GPM6B: variants seen among roughly 807,000 people sequenced by gnomAD.
The protein encoded by GPM6B is neuronal membrane glycoprotein M6-b.
Under a neutral mutation model 27.2 loss-of-function variants are expected in GPM6B, and 4 were observed. The ratio of observed to expected loss-of-function variants is 0.15; its 90% CI spans 0.07 to 0.34. GPM6B has a LOEUF of 0.34. GPM6B is among the 10% of genes least tolerant of loss of function. The pLI, the probability that GPM6B is intolerant of heterozygous loss-of-function variation, is 1.00. For synonymous variants in GPM6B, 124 were observed against 103.1 expected (o/e 1.20, Z -1.23); for missense variants, 183 against 261.9 (o/e 0.70, Z 2.08).
chrX:13,822,469 G>A (rs916182227), intron 1 of GPM6B, among the ~76,000 whole-genome samples: 8 of 110,370 alleles, frequency 7.2e-5, no homozygotes, highest in South Asian at 7.9e-4. Context: ...AGGTTCAAGC[G>A]ATTCTCCTGC....
chrX:13,861,505 T>G (rs929963088), intron 1 of GPM6B, among the ~76,000 whole-genome samples: 2 of 112,008 alleles, frequency 1.8e-5, no homozygotes, highest in African/African-American at 6.5e-5. Context: ...ATTTTCTATG[T>G]TCAAAATAAT....
intron 1 of GPM6B, among the ~76,000 whole-genome samples, chrX:13,823,206 G>A (rs112571777): frequency 0.044 from 4,895 of 112,336 alleles, 250 homozygotes; most frequent in African/African-American, 0.15. Context: ...ACTGGTTGGT[G>A]TATAGGAAAA....
intron 1 of GPM6B, among the ~76,000 whole-genome samples, chrX:13,917,360 C>T (rs1428724244): frequency 8.9e-6 from 1 of 112,360 alleles, no homozygotes; most frequent in African/African-American, 3.2e-5. Context: ...GTTAGTTCTC[C>T]AAACAATTTA....
At chrX:13,866,013 G>T in intron 1 of GPM6B, among the ~76,000 whole-genome samples, 1 of 111,171 alleles carries the variant, frequency 9.0e-6, no homozygotes. Flanking sequence ...TAAAAGTAGA[G>T]AATTGGATAG....
rs143658035 is a variant in GPM6B, at chrX:13,935,858, T to A, written c.-198+2469A>T. 5.2e-3 allele frequency among the ~76,000 whole-genome samples: 586 copies of A among 112,560 alleles called. 7 individuals carry two copies. Among genetic ancestry groups the A allele is most frequent in the African/African-American group, 0.018 (568 of 31,007 alleles). On this transcript the variant is annotated intron_variant, in intron 1 of 6. Transcript: ENST00000398361. ...CAGAGAAATAGTTTCAACACACTCA[T>A]TTAGGTAGCGTACTGCATACACAAT...
chrX:13,847,960 G>T (rs149503415), intron 1 of GPM6B, among the ~76,000 whole-genome samples: 11 of 111,931 alleles, frequency 9.8e-5, no homozygotes, highest in African/African-American at 3.6e-4. Flanking sequence ...GAATGTGATG[G>T]CTCTCAGCTC....
chrX:13,896,542 A>G (rs1204630953), intron 1 of GPM6B, among the ~76,000 whole-genome samples: 1 of 111,251 alleles, frequency 9.0e-6, no homozygotes, highest in Non-Finnish European at 1.9e-5. Flanking sequence ...TGTAGGTAAA[A>G]CATGGCCCCA....
intron 1 of GPM6B, among the ~76,000 whole-genome samples, chrX:13,871,933 C>A (rs1384175250): frequency 8.9e-6 from 1 of 111,794 alleles, no homozygotes; most frequent in African/African-American, 3.3e-5. Context: ...TCCAGCTGTT[C>A]TTCCAGGTGT....
At chrX:13,810,129 G>A (rs2049100607) in intron 1 of GPM6B, among the ~76,000 whole-genome samples, 1 of 109,735 alleles carries the variant, frequency 9.1e-6, no homozygotes, top group Admixed American at 9.7e-5. Context: ...AAAAAAGAAA[G>A]AAAAAAAACC....
chrX:13,904,586 C>T (rs1258862856), intron 1 of GPM6B, among the ~76,000 whole-genome samples: 5 of 111,441 alleles, frequency 4.5e-5, no homozygotes, highest in Non-Finnish European at 9.4e-5. Flanking sequence ...CATTCACTTC[C>T]GTATCATCTA....
chrX:13,862,677 ATATTCTT>A (rs1569268859), intron 1 of GPM6B, among the ~76,000 whole-genome samples: 1 of 111,236 alleles, frequency 9.0e-6, no homozygotes, highest in Admixed American at 9.5e-5. Flanking sequence ...ATTTGTGGAA[ATATTCTT>A]TACTATTTTT....
chrX:13,877,096 C>T (rs1340628640), intron 1 of GPM6B, among the ~76,000 whole-genome samples: 1 of 111,258 alleles, frequency 9.0e-6, no homozygotes, highest in African/African-American at 3.3e-5. Context: ...CTCACCACCC[C>T]AAGGCAGCTC....
At chrX:13,905,794 C>A (rs2050325300) in intron 1 of GPM6B, among the ~76,000 whole-genome samples, 1 of 111,210 alleles carries the variant, frequency 9.0e-6, no homozygotes, top group African/African-American at 3.3e-5. Context: ...TATTCTACTG[C>A]CATAAGCTTA....
intron 2 of GPM6B, among the ~76,000 whole-genome samples, chrX:13,790,295 T>C: frequency 8.9e-6 from 1 of 112,437 alleles, no homozygotes; most frequent in East Asian, 2.8e-4. Flanking sequence ...CAAGGAAAAC[T>C]ATCAGAGGTC....
intron 1 of GPM6B, among the ~76,000 whole-genome samples, chrX:13,933,295 C>T (rs1431801869): frequency 8.9e-6 from 1 of 111,791 alleles, no homozygotes; most frequent in Non-Finnish European, 1.9e-5. Context: ...CACTAACAAG[C>T]CAGCCATCAT....
At chrX:13,779,513 C>T (rs1032089073) in intron 5 of GPM6B, among the ~76,000 whole-genome samples, 2 of 111,473 alleles carry the variant, frequency 1.8e-5, no homozygotes, top group East Asian at 2.8e-4. Context: ...CTTTTTGTAG[C>T]GGAGATCCAG....
chrX:13,840,670 A>G (rs1445392960), intron 1 of GPM6B, among the ~76,000 whole-genome samples: 1 of 110,835 alleles, frequency 9.0e-6, no homozygotes, highest in East Asian at 2.8e-4. Flanking sequence ...AATGTTCAAA[A>G]GGCTCCTCTC....
chrX:13,935,601 C>G (rs192850871), intron 1 of GPM6B, among the ~76,000 whole-genome samples: 1 of 111,932 alleles, frequency 8.9e-6, no homozygotes, highest in East Asian at 2.8e-4. Flanking sequence ...CATATTAAAG[C>G]AGCTTGGATA....
intron 1 of GPM6B, among the ~76,000 whole-genome samples, chrX:13,913,400 A>G (rs2050397713): frequency 1.8e-5 from 2 of 110,100 alleles, no homozygotes; most frequent in Non-Finnish European, 3.8e-5. Flanking sequence ...CAATCTGCCC[A>G]CCTCAGCCTC....
Sources: allele counts gnomAD v4.1 joint callset (sites outside exome capture counted in the v4.1 genomes callset), GRCh38; gene constraint gnomAD v4.1.1; transcripts MANE v1.5; gene names NCBI Gene and HGNC (gene_info 2026-07-23, HGNC 2026-07-21).